The following USP32 variants were observed in gnomAD, a reference collection of about 807,000 sequenced individuals.
USP32 encodes ubiquitin carboxyl-terminal hydrolase 32.
In USP32, 59 loss-of-function variants were observed where a neutral mutation model predicts 204.8. The observed-to-expected ratio is 0.29, with a 90% confidence interval of 0.23 to 0.36. USP32 has a LOEUF of 0.36. Among genes scored for constraint, USP32 ranks in the 10% least tolerant of loss-of-function variants. The pLI is 1.00. For missense variants in USP32, 1,160 were observed against 1,946.4 expected (o/e 0.60, Z 7.60); for synonymous variants, 517 against 678.4 (o/e 0.76, Z 3.70).
intron 1 of USP32, among the ~76,000 whole-genome samples, chr17:60,375,388 A>C (rs910999031): frequency 6.6e-6 from 1 of 152,132 alleles, no homozygotes; most frequent in Admixed American, 6.5e-5. Context: ...AAATGACTAC[A>C]TATAATATAG....
chr17:60,330,642 G>A (rs968328752), intron 2 of USP32, among the ~76,000 whole-genome samples: 9 of 151,340 alleles, frequency 5.9e-5, no homozygotes, highest in Non-Finnish European at 1.3e-4. Flanking sequence ...AACCTCCCAG[G>A]CTTAATCAAT....
chr17:60,394,654 T>A (rs903659876), upstream of USP32, among the ~76,000 whole-genome samples: 1 of 152,228 alleles, frequency 6.6e-6, no homozygotes, highest in Non-Finnish European at 1.5e-5. Flanking sequence ...AAATGGTATA[T>A]CCTGCAGCAC....
chr17:60,382,731 A>G (rs964545835), intron 1 of USP32, among the ~76,000 whole-genome samples: 3 of 152,214 alleles, frequency 2.0e-5, no homozygotes, highest in East Asian at 3.8e-4. Context: ...ACTTGTCATC[A>G]TAAATGAAAA....
chr17:60,324,249 T>C (rs1390726093), intron 2 of USP32, among the ~76,000 whole-genome samples: 2 of 151,616 alleles, frequency 1.3e-5, no homozygotes, highest in Non-Finnish European at 2.9e-5. Context: ...ACCACTGCAC[T>C]CCACCCTGGG....
chr17:60,198,498 C>T, intron 26 of USP32, 54 bp from the exon 27 acceptor site: 1 of 1,588,966 alleles, frequency 6.3e-7, no homozygotes, highest in South Asian at 1.2e-5. Context: ...TCTGATTCCT[C>T]CCTTTAGTTC....
intron 26 of USP32, among the ~76,000 whole-genome samples, chr17:60,203,672 G>A (rs2084747866): frequency 6.6e-6 from 1 of 151,998 alleles, no homozygotes; most frequent in Non-Finnish European, 1.5e-5. Flanking sequence ...CGCCTCCCAG[G>A]TTCAAGCGAT....
chr17:60,344,749 C>T (rs1420132154), intron 2 of USP32, among the ~76,000 whole-genome samples: 1 of 152,182 alleles, frequency 6.6e-6, no homozygotes, highest in African/African-American at 2.4e-5. Flanking sequence ...GCCAACATAC[C>T]CAGCCAATAA....
At position 60,181,703 on chromosome 17, in the gene USP32, C is replaced by T. The variant is rs746378362; in HGVS notation, c.4169G>A (p.Ser1390Asn). 3 of 1,610,652 alleles carry T rather than the reference C, an allele frequency of 1.9e-6. No individual in the cohort carries two copies. The highest frequency in any genetic ancestry group is 2.7e-5 in the African/African-American group (2 of 74,782). Residue 1390 changes from serine to asparagine, a missense_variant, in exon 32 of 34, where the codon AGC becomes AAC. Physicochemically the swap from Ser to Asn is conservative, Grantham distance 46 (BLOSUM62 1). Coordinates refer to ENST00000300896, the MANE Select transcript of USP32 (RefSeq NM_032582.4). ...SRKSGTSCPSSKNSSPNSSPR... is the reference protein window; with the variant it reads ...SRKSGTSCPSNKNSSPNSSPR... Reference sequence around the variant, plus strand: ...GCTGCTATTAGGGCTGCTGTTTTTGCTGGAGGGACAGCTGGTTCCACTTTT... The same window carrying T: ...GCTGCTATTAGGGCTGCTGTTTTTGTTGGAGGGACAGCTGGTTCCACTTTT...
intron 21 of USP32, 98 bp downstream of exon 21, chr17:60,210,915 T>C (rs2084947815): frequency 6.9e-6 from 10 of 1,455,510 alleles, no homozygotes; most frequent in Non-Finnish European, 9.1e-6. Flanking sequence ...CCAAAAACAT[T>C]TATTAAGTTA....
At chr17:60,384,895 G>T (rs1379030578) in intron 1 of USP32, among the ~76,000 whole-genome samples, 1 of 151,986 alleles carries the variant, frequency 6.6e-6, no homozygotes, top group African/African-American at 2.4e-5. Context: ...ATCATTTAAG[G>T]CCAGGAGTTC....
At position 60,271,383 on chromosome 17, in the gene USP32, C is replaced by G. The variant is rs371069109; in HGVS notation, c.670G>C (p.Val224Leu). ...AGAGATGGACGAATAGGTGGTGAAA[C>G]CAATGGGCCAAATGTCTCTAAATCA... is the stretch of plus-strand genomic sequence containing the variant. The part of the protein sequence containing the change: ...RFDLETFGPL[V>L]SPPIRPSLSE... Residue 224 changes from valine (V) to leucine (L), a missense_variant, in exon 6 of 34, where the codon GTT (valine) becomes CTT (leucine). By Grantham distance (32) the Val-to-Leu change is conservative (BLOSUM62 1). This residue lies in a region of USP32 where 536 missense variants were observed against 680.9 expected (regional missense o/e 0.79). Transcript: ENST00000300896. The G allele has an allele frequency of 3.7e-6, 6 of 1,613,904 alleles. No individual in the cohort carries two copies. In the African/African-American group the frequency reaches 8.0e-5, roughly 22 times the overall value.
rs184817035 is a variant in USP32 at position 60,250,712 on chromosome 17, G to A, written c.1136+1669C>T. ...CACCTGTAATCCCACCTACTCAAGA[G>A]GCTGAAGTGGAAGGATCTCTTGAAC... On this transcript the variant is annotated intron_variant, in intron 11 of 33. Transcript: ENST00000300896. Among the ~76,000 whole-genome samples, 336 of 152,174 alleles carry A rather than the reference G, an allele frequency of 2.2e-3. 1 individual carries two copies. Among genetic ancestry groups the A allele is most frequent in the African/African-American group, 7.6e-3 (315 of 41,540 alleles).
intron 1 of USP32, among the ~76,000 whole-genome samples, chr17:60,356,578 A>G (rs1414680713): frequency 1.3e-5 from 2 of 152,242 alleles, no homozygotes; most frequent in Non-Finnish European, 1.5e-5. Flanking sequence ...CCACTAAGCT[A>G]AATAAGCACA....
At chr17:60,218,902 C>A (rs945963183) in intron 16 of USP32, among the ~76,000 whole-genome samples, 34 of 152,304 alleles carry the variant, frequency 2.2e-4, no homozygotes, top group East Asian at 5.8e-4. Flanking sequence ...CTTATTATTT[C>A]TTTACTGCTG....
At chr17:60,406,043 G>A (rs1052406406) in intron 1 of USP32, among the ~76,000 whole-genome samples, 1 of 151,140 alleles carries the variant, frequency 6.6e-6, no homozygotes, top group Non-Finnish European at 1.5e-5. Context: ...TGTATTCTCA[G>A]CTACTTGGGA....
At chr17:60,379,707 G>A (rs1443323261) in intron 1 of USP32, among the ~76,000 whole-genome samples, 3 of 152,208 alleles carry the variant, frequency 2.0e-5, no homozygotes, top group Non-Finnish European at 4.4e-5. Context: ...CAAATTGGGA[G>A]TTTGAAATAT....
chr17:60,193,713 C>T (rs2145418920), intron 27 of USP32, among the ~76,000 whole-genome samples: 3 of 152,244 alleles, frequency 2.0e-5, no homozygotes, highest in Admixed American at 2.0e-4. Flanking sequence ...TGGCAACTGA[C>T]AGTGGTTATT....
chr17:60,229,878 A>T (rs1378209553), intron 12 of USP32, among the ~76,000 whole-genome samples: 1 of 151,926 alleles, frequency 6.6e-6, no homozygotes, highest in Non-Finnish European at 1.5e-5. Flanking sequence ...CAGTGGTGCA[A>T]TGTTGGGTCA....
rs186753972 is a variant in USP32, at chr17:60,203,663, G to A, written c.3249+1784C>T. Among the ~76,000 whole-genome samples, 596 of 151,924 alleles carry A rather than the reference G, an allele frequency of 3.9e-3. 6 individuals carry two copies. Among genetic ancestry groups the A allele is most frequent in the African/African-American group, 0.014 (566 of 41,470 alleles). ...ACGATCTCGGCTCACTGCAACCTCC[G>A]CCTCCCAGGTTCAAGCGATTCTCCT... On this transcript the variant is annotated intron_variant, in intron 26 of 33. Coordinates refer to ENST00000300896, the MANE Select transcript of USP32 (RefSeq NM_032582.4).
Sources: gnomAD v4.1 joint callset for allele counts (sites outside exome capture counted in the v4.1 genomes callset) on GRCh38, gnomAD v4.1.1 for gene constraint, gnomAD v4.1.1 regional missense constraint, MANE v1.5 for transcripts, NCBI Gene and HGNC (gene_info 2026-07-23, HGNC 2026-07-21) for gene names.